REPS2: variants seen among roughly 807,000 people sequenced by gnomAD.
REPS2 encodes RALBP1 associated Eps domain containing 2.
A neutral mutation model predicts 53.6 loss-of-function variants in REPS2; 23 were observed. That is an observed-to-expected ratio of 0.43 (90% CI 0.31 to 0.61). REPS2 has a LOEUF of 0.61. Ranked by LOEUF, REPS2 falls within the 20% of genes least tolerant of loss-of-function variation. REPS2 has a pLI of 0.11. For synonymous variants in REPS2, 238 were observed against 218.6 expected, an observed-to-expected ratio of 1.09 and a Z score of -0.78; for missense variants, 446 against 534.9, an observed-to-expected ratio of 0.83 and a Z score of 1.64.
At chrX:17,124,306 C>T (rs2063178856) in intron 14 of REPS2, among the ~76,000 whole-genome samples, 1 of 112,327 alleles carries the variant, frequency 8.9e-6, no homozygotes, top group Non-Finnish European at 1.9e-5. Context: ...TGGCATGCAG[C>T]TTAGGTATCA....
chrX:16,966,499 G>A (rs996469829), intron 1 of REPS2, among the ~76,000 whole-genome samples: 4 of 112,078 alleles, frequency 3.6e-5, no homozygotes, highest in Admixed American at 1.9e-4. Flanking sequence ...TTTTATATAC[G>A]CCTTATACAC....
downstream of REPS2, among the ~76,000 whole-genome samples, chrX:17,157,362 A>G (rs924963704): frequency 8.1e-5 from 9 of 111,321 alleles, no homozygotes; most frequent in Non-Finnish European, 1.7e-4. Context: ...GGCTGAAGGA[A>G]GGTGAGGAGG....
the REPS2 span, among the ~76,000 whole-genome samples, chrX:17,192,014 C>T: frequency 8.9e-6 from 1 of 112,419 alleles, no homozygotes; most frequent in Admixed American, 9.4e-5. Flanking sequence ...AAAGAGTGAA[C>T]TTTACTGCAT....
Position 16,946,695 on chromosome X carries a change from G to A in REPS2, c.-167G>A, listed in dbSNP as rs779601019. ...CGGGGGTGGGGCCGGCGCGCGCCGGGAGGAAGCGGCCGCGCGGCAGCTGCG... is the reference window on the plus strand; with the variant it reads ...CGGGGGTGGGGCCGGCGCGCGCCGGAAGGAAGCGGCCGCGCGGCAGCTGCG... On this transcript the variant is annotated 5_prime_UTR_variant, in exon 1 of 18. Transcript: ENST00000357277. The A allele has an allele frequency of 2.0e-6, 1 of 503,332 alleles. No individual in the cohort carries two copies. Among genetic ancestry groups the A allele is most frequent in the East Asian group, 1.9e-4 (1 of 5,201 alleles). 41.5% of individuals were successfully genotyped at this position (503,332 alleles called of 1,213,427 possible).
the REPS2 span, among the ~76,000 whole-genome samples, chrX:17,167,269 A>G: frequency 8.9e-6 from 1 of 112,107 alleles, no homozygotes; most frequent in Non-Finnish European, 1.9e-5. Flanking sequence ...AGCACTAACT[A>G]TGTTCTTTGT....
At chrX:17,072,463 A>T (rs1481692905) in intron 11 of REPS2, among the ~76,000 whole-genome samples, 1 of 110,304 alleles carries the variant, frequency 9.1e-6, no homozygotes, top group East Asian at 2.9e-4. Flanking sequence ...ACTCATCCAC[A>T]CCCTCACCCC....
chrX:17,160,419 T>G, the REPS2 span, among the ~76,000 whole-genome samples: 3 of 112,582 alleles, frequency 2.7e-5, no homozygotes, highest in East Asian at 8.3e-4. Context: ...GCATTATCCC[T>G]CAGCCATTTT....
At chrX:17,001,552 A>G (rs1209085554) in intron 1 of REPS2, among the ~76,000 whole-genome samples, 3 of 112,537 alleles carry the variant, frequency 2.7e-5, no homozygotes, top group African/African-American at 9.7e-5. Flanking sequence ...GGGGAGACTA[A>G]GGGAAAATGA....
At chrX:17,110,523 C>CA (rs773032143) in intron 14 of REPS2, among the ~76,000 whole-genome samples, 940 of 68,822 alleles carry the variant, frequency 0.014, 4 homozygotes, top group African/African-American at 0.029. Flanking sequence ...CATCTCTACT[C>CA]AAAAAAAAAA....
intron 13 of REPS2, among the ~76,000 whole-genome samples, chrX:17,101,264 G>T (rs989391488): frequency 9.2e-5 from 10 of 109,088 alleles, no homozygotes; most frequent in African/African-American, 3.3e-4. Context: ...GGGTTTCACT[G>T]TGTTAGCCAG....
At chrX:16,966,269 AT>A (rs1259587813) in intron 1 of REPS2, among the ~76,000 whole-genome samples, 1 of 112,493 alleles carries the variant, frequency 8.9e-6, no homozygotes. Flanking sequence ...CTGAAATGAA[AT>A]TTACTCTAGC....
intron 9 of REPS2, among the ~76,000 whole-genome samples, chrX:17,063,811 G>A (rs756606754): frequency 1.8e-5 from 2 of 109,997 alleles, no homozygotes; most frequent in African/African-American, 6.6e-5. Context: ...CTGACTATGT[G>A]TGTGTGTGTG....
chrX:17,173,493 C>G, the REPS2 span, among the ~76,000 whole-genome samples: 54 of 111,842 alleles, frequency 4.8e-4, no homozygotes, highest in African/African-American at 1.6e-3. Flanking sequence ...ATCTCTATCT[C>G]TATCTATCAT....
the REPS2 span, among the ~76,000 whole-genome samples, chrX:17,192,006 A>G: frequency 2.7e-5 from 3 of 112,648 alleles, no homozygotes; most frequent in Non-Finnish European, 5.6e-5. Context: ...TATGCTACAA[A>G]GAGTGAACTT....
chrX:16,968,304 T>C (rs2060803856), intron 1 of REPS2, among the ~76,000 whole-genome samples: 1 of 112,550 alleles, frequency 8.9e-6, no homozygotes, highest in African/African-American at 3.2e-5. Context: ...CCCCCCTTTC[T>C]ATTCCACAAA....
At chrX:16,999,785 G>A (rs1212084549) in intron 1 of REPS2, among the ~76,000 whole-genome samples, 5 of 109,596 alleles carry the variant, frequency 4.6e-5, no homozygotes, top group Admixed American at 2.0e-4. Flanking sequence ...GGTGGCTCAC[G>A]CCTGTAATCC....
In REPS2 at chrX:17,103,629, C is replaced by G; in HGVS notation, c.1517-89C>G. The G allele has an allele frequency of 3.6e-6, 3 of 839,203 alleles. No individual in the cohort carries two copies. In the Admixed American group the frequency reaches 6.9e-5, roughly 19 times the overall value. The allele number at this position is 839,203 out of a possible 1,213,427, so 69.2% of individuals were successfully genotyped here. A position where few individuals can be genotyped will look rare whatever the true frequency, so the allele number is the denominator to read the frequency against. ...AACTTAAAGATGTTAAATGCAAATGCCATTGCCATTCCAAGTTAACAAGCA... is the reference window on the plus strand; with the variant it reads ...AACTTAAAGATGTTAAATGCAAATGGCATTGCCATTCCAAGTTAACAAGCA... On this transcript the variant is annotated intron_variant, in intron 13 of 17. Coordinates refer to ENST00000357277, the MANE Select transcript of REPS2 (RefSeq NM_004726.3).
At chrX:17,096,466 C>T (rs187450083) in intron 13 of REPS2, among the ~76,000 whole-genome samples, 4,637 of 106,745 alleles carry the variant, frequency 0.043, 118 homozygotes, top group Middle Eastern at 0.093. Flanking sequence ...GAGACCATCC[C>T]GGCTAAAACG....
chrX:16,949,407 T>A (rs1374219290), intron 1 of REPS2, among the ~76,000 whole-genome samples: 6 of 112,143 alleles, frequency 5.4e-5, no homozygotes, highest in East Asian at 2.8e-4. Context: ...AATACTTATT[T>A]TTTATTTATT....
Sources: gnomAD v4.1 joint callset for allele counts (sites outside exome capture counted in the v4.1 genomes callset) on GRCh38, gnomAD v4.1.1 for gene constraint, MANE v1.5 for transcripts, NCBI Gene and HGNC (gene_info 2026-07-23, HGNC 2026-07-21) for gene names.